BAZ1B: variants seen among roughly 807,000 people sequenced by gnomAD.
BAZ1B encodes the protein bromodomain adjacent to zinc finger domain 1B.
In BAZ1B, 22 loss-of-function variants were observed where a neutral mutation model predicts 153.8. That is an observed-to-expected ratio of 0.14 (90% confidence interval 0.10 to 0.20). The LOEUF is 0.20. Ranked by LOEUF, BAZ1B falls within the 10% of genes least tolerant of loss-of-function variation. BAZ1B has a pLI of 1.00. For missense variants in BAZ1B, 1,325 were observed against 1,799.3 expected (o/e 0.74, Z 4.77); for synonymous variants, 676 against 633.4 (o/e 1.07, Z -1.01).
At chr7:73,504,588 C>T (rs906647532) in intron 3 of BAZ1B, among the ~76,000 whole-genome samples, 7 of 151,752 alleles carry the variant, frequency 4.6e-5, no homozygotes, top group Admixed American at 1.3e-4. Flanking sequence ...GGTATGAACC[C>T]GGGAGGCGGA....
At chr7:73,481,646 T>C (rs1287526930) in intron 6 of BAZ1B, among the ~76,000 whole-genome samples, 2 of 152,142 alleles carry the variant, frequency 1.3e-5, no homozygotes, top group Admixed American at 1.3e-4. Context: ...AATCCCTCTT[T>C]TGGCTAAGCT....
intron 1 of BAZ1B, 95 bp downstream of exon 1, chr7:73,521,732 G>T: frequency 9.2e-7 from 1 of 1,082,700 alleles, no homozygotes; most frequent in Non-Finnish European, 1.2e-6. Flanking sequence ...AGCTGCCCCG[G>T]GCCGGGGATG....
At chr7:73,490,221 CT>C (rs1409317877) in intron 5 of BAZ1B, among the ~76,000 whole-genome samples, 1 of 152,154 alleles carries the variant, frequency 6.6e-6, no homozygotes, top group African/African-American at 2.4e-5. Context: ...ATCACCTCCC[CT>C]GGTGACTATC....
In BAZ1B at chr7:73,521,794, C is replaced by G. The variant is rs1363114535; in HGVS notation, c.107+33G>C. ...CAGGCCCTACCCCGGCCCAGCCCGG[C>G]CCAGCCCGGCCCGCGCGGCTGGAAA... On this transcript the variant is annotated intron_variant, in intron 1 of 19. Coordinates refer to ENST00000339594, the MANE Select transcript of BAZ1B (RefSeq NM_032408.4). 8 of 1,473,424 alleles carry G rather than the reference C, an allele frequency of 5.4e-6. No homozygotes were observed. In the Admixed American group the frequency reaches 1.8e-4, roughly 33 times the overall value. The allele number at this position is 1,473,424 out of a possible 1,614,324, so 91.3% of individuals were successfully genotyped here.
chr7:73,491,436 C>CA (rs1275871460), intron 5 of BAZ1B, among the ~76,000 whole-genome samples: 2 of 151,860 alleles, frequency 1.3e-5, no homozygotes, highest in Non-Finnish European at 2.9e-5. Context: ...TCTGTCTCTA[C>CA]AAAAAACACA....
chr7:73,510,867 T>C lies in BAZ1B; in HGVS notation c.108-15A>G. 1 of 1,608,318 alleles carries C rather than the reference T, an allele frequency of 6.2e-7. No homozygotes were observed. The highest frequency in any genetic ancestry group is 8.5e-7 in the Non-Finnish European group (1 of 1,175,028). ...CTTCATACTCTCTGTTGGCAGTAGT[T>C]CAGGAAAACAATATGCAAGCAACAG... On this transcript the variant is annotated splice_polypyrimidine_tract_variant and intron_variant, in intron 1 of 19. Coordinates refer to ENST00000339594, the MANE Select transcript of BAZ1B (RefSeq NM_032408.4).
At chr7:73,511,830 G>A (rs1232186747) in intron 1 of BAZ1B, among the ~76,000 whole-genome samples, 1 of 148,560 alleles carries the variant, frequency 6.7e-6, no homozygotes, top group African/African-American at 2.5e-5. Flanking sequence ...AGACCAGCCT[G>A]AGCAACATGG....
At chr7:73,497,204 C>T (rs1789947512) in intron 4 of BAZ1B, among the ~76,000 whole-genome samples, 1 of 152,116 alleles carries the variant, frequency 6.6e-6, no homozygotes, top group Non-Finnish European at 1.5e-5. Context: ...GATCGTACCA[C>T]TGCACTCCAG....
intron 6 of BAZ1B, among the ~76,000 whole-genome samples, chr7:73,486,943 C>T (rs1563386973): frequency 6.6e-6 from 1 of 152,166 alleles, no homozygotes; most frequent in Non-Finnish European, 1.5e-5. Context: ...AGCTTATATA[C>T]AGAAAACAAT....
intron 1 of BAZ1B, among the ~76,000 whole-genome samples, chr7:73,511,913 C>A (rs1418441526): frequency 6.7e-6 from 1 of 150,330 alleles, no homozygotes; most frequent in African/African-American, 2.5e-5. Context: ...TGCCTGTAAT[C>A]CCAGCTACTC....
At chr7:73,503,750 T>C (rs1041913565) in intron 3 of BAZ1B, among the ~76,000 whole-genome samples, 2 of 152,302 alleles carry the variant, frequency 1.3e-5, no homozygotes, top group South Asian at 2.1e-4. Context: ...GTCAATTCCA[T>C]TTCCATCCTT....
chr7:73,512,085 A>C (rs1790608250), intron 1 of BAZ1B, among the ~76,000 whole-genome samples: 1 of 148,524 alleles, frequency 6.7e-6, no homozygotes, highest in Non-Finnish European at 1.5e-5. Flanking sequence ...AAATGAGGTG[A>C]CTAGGCCACA....
At position 73,477,866 on chromosome 7, in the gene BAZ1B, T is replaced by C. The variant is rs782592103; in HGVS notation, c.1595A>G (p.Lys532Arg). 2 of 1,613,896 alleles carry C rather than the reference T, an allele frequency of 1.2e-6. No homozygotes were observed. Among genetic ancestry groups the C allele is most frequent in the African/African-American group, 1.3e-5 (1 of 74,880 alleles). ...TTCAGACATAGAAGCCCACCTCTTT[T>C]TGTGCTCTAGAAGTTCATAGCGTTT... is the stretch of plus-strand genomic sequence containing the variant. ...VQKRYELLEH[K>R]KRWASMSEEQ... Residue 532 changes from lysine (K) to arginine (R), a missense_variant, in exon 7 of 20, where the codon AAA (lysine) becomes AGA (arginine). By Grantham distance (26) the Lys-to-Arg change is conservative. Coordinates refer to ENST00000339594, the MANE Select transcript of BAZ1B (RefSeq NM_032408.4). The surrounding 1 kb of genome is among the most constrained non-coding windows in gnomAD (Gnocchi z 5.6).
intron 1 of BAZ1B, 39 bp downstream of exon 1, chr7:73,521,767 CCCAGGCCCTACCCCGGCCCAG>C (rs1457635049): frequency 7.2e-7 from 1 of 1,389,142 alleles, no homozygotes; most frequent in Non-Finnish European, 9.6e-7. Context: ...TCTCGCGAGC[CCCAGGCCCTACCCCGGCCCAG>C]CCCGGCCCAG....
intron 3 of BAZ1B, among the ~76,000 whole-genome samples, chr7:73,505,806 C>A (rs2116438976): frequency 6.6e-6 from 1 of 152,208 alleles, no homozygotes; most frequent in East Asian, 1.9e-4. Context: ...CCACCTTGGT[C>A]TCCCAAAGTG....
At position 73,508,462 on chromosome 7, in the gene BAZ1B, C is replaced by T; in HGVS notation, c.234G>A (p.Glu78=). 1 of 1,609,034 alleles carries T rather than the reference C, an allele frequency of 6.2e-7. No individual in the cohort carries two copies. Residue 78 remains glutamate, a synonymous_variant, in exon 3 of 20, where the codon GAG becomes GAA. Coordinates refer to ENST00000339594, the MANE Select transcript of BAZ1B (RefSeq NM_032408.4). The stretch of plus-strand genomic sequence containing the variant: ...GCTTCTCATACCAGGCAGGAAACTC[C>T]TCCTTCAAACTAAATAAATGTAATT... ...EEQEVAELLK[E]EFPAWYEKLV...
Position 73,469,638 on chromosome 7 carries a change from G to A in BAZ1B, c.2745C>T (p.Phe915=). The A allele has an allele frequency of 6.2e-7, 1 of 1,614,096 alleles. No individual in the cohort carries two copies. Among genetic ancestry groups the A allele is most frequent in the Non-Finnish European group, 8.5e-7 (1 of 1,179,992 alleles). Residue 915 remains phenylalanine, a synonymous_variant, in exon 9 of 20, where the codon TTC becomes TTT. Transcript: ENST00000339594. ...TDRNHNRYWL[F]SDEVPGLFIE... ...TGAATAATCCTGGAACTTCATCTGA[G>A]AAGAGCCAGTATCTACAAATCACAA...
intron 5 of BAZ1B, among the ~76,000 whole-genome samples, chr7:73,490,627 T>C (rs1178800370): frequency 2.0e-5 from 3 of 151,448 alleles, no homozygotes; most frequent in South Asian, 2.1e-4. Context: ...TTTTTTGAGA[T>C]GGAGTTTCAC....
intron 7 of BAZ1B, among the ~76,000 whole-genome samples, chr7:73,475,355 C>A (rs969919374): frequency 6.6e-6 from 1 of 152,000 alleles, no homozygotes; most frequent in Non-Finnish European, 1.5e-5. Flanking sequence ...AGAAACAAAA[C>A]GTGGTATATC....
Sources: gnomAD v4.1 joint callset for allele counts (sites outside exome capture counted in the v4.1 genomes callset) on GRCh38, gnomAD v4.1.1 for gene constraint, Gnocchi (gnomAD v3.1) non-coding constraint, MANE v1.5 for transcripts, NCBI Gene and HGNC (gene_info 2026-07-23, HGNC 2026-07-21) for gene names.